CFAP70: variants seen among roughly 807,000 people sequenced by gnomAD.
CFAP70 encodes the protein cilia- and flagella-associated protein 70.
A neutral mutation model predicts 137.6 loss-of-function variants in CFAP70; 81 were observed. The observed-to-expected ratio is 0.59, with a 90% CI of 0.49 to 0.71. CFAP70 has a LOEUF of 0.71. Ranked by LOEUF, CFAP70 falls within the 30% of genes least tolerant of loss-of-function variation. The probability of loss-of-function intolerance (pLI) is 0.00; values close to 1 mark genes in which losing one functional copy is unlikely to be tolerated. For synonymous variants in CFAP70, 382 were observed against 423.6 expected (o/e 0.90, Z 1.20); for missense variants, 976 against 1,226.7 (o/e 0.80, Z 3.05).
At chr10:73,334,199 C>T (rs140450168) in intron 7 of CFAP70, among the ~76,000 whole-genome samples, 1 of 152,336 alleles carries the variant, frequency 6.6e-6, no homozygotes, top group African/African-American at 2.4e-5. Context: ...GTTACCTACA[C>T]AATATCAGTG....
chr10:73,340,423 G>A (rs1230538607), intron 6 of CFAP70, among the ~76,000 whole-genome samples: 1 of 152,228 alleles, frequency 6.6e-6, no homozygotes, highest in Non-Finnish European at 1.5e-5. Flanking sequence ...GAGGCCATGG[G>A]TGGGGCCAGA....
At chr10:73,302,160 G>C (rs2048999580) in intron 12 of CFAP70, among the ~76,000 whole-genome samples, 1 of 152,142 alleles carries the variant, frequency 6.6e-6, no homozygotes, top group Non-Finnish European at 1.5e-5. Flanking sequence ...GGAGCCATCA[G>C]TGTATAGATG....
intron 6 of CFAP70, among the ~76,000 whole-genome samples, chr10:73,338,386 A>G (rs7923345): frequency 0.11 from 15,966 of 151,312 alleles, 1,214 homozygotes; most frequent in East Asian, 0.3. Context: ...TTGGCCTCCC[A>G]AAGTGCTGGG....
chr10:73,324,966 G>A (rs1315366803), intron 8 of CFAP70, among the ~76,000 whole-genome samples: 1 of 152,094 alleles, frequency 6.6e-6, no homozygotes, highest in Non-Finnish European at 1.5e-5. Flanking sequence ...CTAACATTCA[G>A]ATTCAGGAAA....
upstream of CFAP70, among the ~76,000 whole-genome samples, chr10:73,362,334 T>C (rs1490256360): frequency 2.6e-5 from 4 of 152,320 alleles, no homozygotes; most frequent in Admixed American, 6.5e-5. Flanking sequence ...AAGAATGTCA[T>C]TGCAATATTG....
At chr10:73,339,261 G>T (rs1175872457) in intron 6 of CFAP70, among the ~76,000 whole-genome samples, 1 of 152,214 alleles carries the variant, frequency 6.6e-6, no homozygotes, top group Middle Eastern at 3.4e-3. Context: ...CAGTCCTTCT[G>T]AAGTCTGACT....
In CFAP70 at chr10:73,348,148, CTG is replaced by C; in HGVS notation, c.349+273_349+274del. 1.9e-6 allele frequency: 3 copies of C among 1,612,856 alleles called. No homozygotes were observed. The highest frequency in any genetic ancestry group is 2.5e-6 in the Non-Finnish European group (3 of 1,178,844). ...GGCTGAAATGTTGAGAGCTAAAACT[CTG>C]ATTACCTTAGCACTTGATCTAGGAG... On this transcript the variant is annotated intron_variant, in intron 4 of 26. Transcript: ENST00000310715.
intron 12 of CFAP70, among the ~76,000 whole-genome samples, chr10:73,306,485 A>G (rs990105076): frequency 6.6e-6 from 1 of 152,224 alleles, no homozygotes; most frequent in Non-Finnish European, 1.5e-5. Context: ...GTGATCCTCA[A>G]TAAGATTAAC....
intron 15 of CFAP70, 165 bp downstream of exon 16, chr10:73,296,877 C>A: frequency 1.6e-6 from 1 of 617,128 alleles, no homozygotes; most frequent in Non-Finnish European, 2.4e-6. Flanking sequence ...TAGTCTTAAA[C>A]TGATTAGGCT....
At chr10:73,347,307 C>T (rs1387316199) in intron 4 of CFAP70, among the ~76,000 whole-genome samples, 1 of 152,118 alleles carries the variant, frequency 6.6e-6, no homozygotes, top group East Asian at 1.9e-4. Context: ...ATCAGATTCA[C>T]TTTTAAATCA....
chr10:73,278,478 T>C lies in CFAP70; in HGVS notation c.2240-141A>G, dbSNP rs2046966771. 4.5e-6 allele frequency: 3 copies of C among 665,528 alleles called. No homozygotes were observed. In the South Asian group the frequency reaches 7.8e-5, roughly 17 times the overall value. 41.2% of individuals were successfully genotyped at this position (665,528 alleles called of 1,614,324 possible). On this transcript the variant is annotated intron_variant, in intron 19 of 26. Transcript: ENST00000310715. ...AGGACAGACTTGTTTGGTAGACTTG[T>C]TTATATTTTTTAATAATTTAAAGAG...
intron 12 of CFAP70, among the ~76,000 whole-genome samples, chr10:73,304,511 G>A (rs1163283039): frequency 1.3e-5 from 2 of 152,094 alleles, no homozygotes; most frequent in Non-Finnish European, 2.9e-5. Flanking sequence ...GTGTAAAAAT[G>A]TTTCACTACA....
At chr10:73,302,031 G>A (rs964188170) in intron 12 of CFAP70, among the ~76,000 whole-genome samples, 19 of 152,208 alleles carry the variant, frequency 1.2e-4, no homozygotes, top group African/African-American at 4.6e-4. Context: ...TAGATGTAAG[G>A]AAACTTACAT....
chr10:73,263,793 T>A (rs934491085), intron 25 of CFAP70, among the ~76,000 whole-genome samples: 1 of 152,224 alleles, frequency 6.6e-6, no homozygotes, highest in East Asian at 1.9e-4. Context: ...AAATATTTTC[T>A]TACTCCTTGA....
intron 9 of CFAP70, among the ~76,000 whole-genome samples, chr10:73,320,466 G>A (rs930126551): frequency 8.5e-5 from 13 of 152,054 alleles, no homozygotes; most frequent in African/African-American, 2.9e-4. Context: ...TGGGACTACA[G>A]GAATGTGCCA....
chr10:73,278,956 C>G (rs4443995), intron 19 of CFAP70: 22,332 of 139,536 alleles, frequency 0.16, 2,765 homozygotes, highest in African/African-American at 0.33. Context: ...ACTCCAGCCT[C>G]GGCATAGAGC....
At chr10:73,328,675 C>T (rs1378136122) in intron 8 of CFAP70, among the ~76,000 whole-genome samples, 11 of 142,574 alleles carry the variant, frequency 7.7e-5, no homozygotes, top group South Asian at 2.5e-4. Context: ...AAAAAGTGGG[C>T]GAAGGACATG....
chr10:73,351,069 GTGTATA>G (rs1196096137), intron 3 of CFAP70, among the ~76,000 whole-genome samples: 2,094 of 50,272 alleles, frequency 0.042, 39 homozygotes, highest in East Asian at 0.1. Flanking sequence ...GTGTGTGTGT[GTGTATA>G]TATATATATA....
intron 1 of CFAP70, among the ~76,000 whole-genome samples, chr10:73,357,184 T>A (rs2054745534): frequency 6.6e-6 from 1 of 152,196 alleles, no homozygotes; most frequent in Non-Finnish European, 1.5e-5. Flanking sequence ...CCAAGTGTGC[T>A]TCGCATTTAT....
Sources: gnomAD v4.1 joint callset for allele counts (sites outside exome capture counted in the v4.1 genomes callset) on GRCh38, gnomAD v4.1.1 for gene constraint, MANE v1.5 for transcripts, NCBI Gene and HGNC (gene_info 2026-07-23, HGNC 2026-07-21) for gene names.